Variants in ANKRD28 observed in about 807,000 individuals in gnomAD.
The protein encoded by ANKRD28 is ankyrin repeat domain 28, also known as serine/threonine-protein phosphatase 6 regulatory ankyrin repeat subunit A.
In ANKRD28, 44 loss-of-function variants were observed where a neutral mutation model predicts 126.5. The observed-to-expected ratio is 0.35, with a 90% CI of 0.27 to 0.45. ANKRD28 has a LOEUF of 0.45. Ranked by LOEUF, ANKRD28 falls within the 20% of genes least tolerant of loss-of-function variation. The pLI is 1.00. For synonymous variants in ANKRD28, 442 were observed against 468.5 expected, an observed-to-expected ratio of 0.94 and a Z score of 0.73; for missense variants, 1,110 against 1,316.6, an observed-to-expected ratio of 0.84 and a Z score of 2.43.
rs58655271 is a variant in ANKRD28 at position 15,741,697 on chromosome 3, C to CTTTTTTTTTTTTTTTTTTTTTTTTTTTTT, written c.352-4493_352-4465dup. Among the ~76,000 whole-genome samples, 4 of 33,664 alleles carry CTTTTTTTTTTTTTTTTTTTTTTTTTTTTT rather than the reference C, an allele frequency of 1.2e-4. 1 individual carries two copies. Among genetic ancestry groups the CTTTTTTTTTTTTTTTTTTTTTTTTTTTTT allele is most frequent in the Non-Finnish European group, 2.5e-4 (4 of 16,262 alleles). The allele number at this position is 33,664 out of a possible 152,430, so 22.1% of individuals were successfully genotyped here. On this transcript the variant is annotated intron_variant, in intron 4 of 27. Coordinates refer to ENST00000683139, the MANE Select transcript of ANKRD28 (RefSeq NM_001349278.2). ...ACCAGTTTTCCCCTTTGGTTCTATC[C>CTTTTTTTTTTTTTTTTTTTTTTTTTTTTT]TTTTTTTTTTTTTTTTTTTTTTTTT...
rs1468833448 is a variant in ANKRD28, at chr3:15,724,531, ATG to A, written c.641-9_641-8del. On this transcript the variant is annotated splice_region_variant and splice_polypyrimidine_tract_variant and intron_variant, in intron 6 of 27. Coordinates refer to ENST00000683139, the MANE Select transcript of ANKRD28 (RefSeq NM_001349278.2). ...TTCACTACTTCAATGTGACCTAAAAATGTGTTTTTGAAGAAAAAAATAGAGAT... is the reference window on the plus strand; with the variant it reads ...TTCACTACTTCAATGTGACCTAAAAATGTTTTTGAAGAAAAAAATAGAGAT... 6.4e-7 allele frequency: 1 copy of A among 1,561,888 alleles called. No individual in the cohort carries two copies.
intron 13 of ANKRD28, among the ~76,000 whole-genome samples, chr3:15,708,325 A>C (rs773919163): frequency 1.3e-5 from 2 of 152,192 alleles, no homozygotes; most frequent in Non-Finnish European, 2.9e-5. Context: ...TCCCAGTCCC[A>C]GTCCTTTGAG....
upstream of ANKRD28, among the ~76,000 whole-genome samples, chr3:15,802,398 G>C (rs895201422): frequency 8.5e-5 from 13 of 152,132 alleles, no homozygotes; most frequent in Non-Finnish European, 1.5e-4. Flanking sequence ...GAAATAAAAA[G>C]TCCTGCCTTG....
At chr3:15,683,653 A>C (rs111296850) in intron 21 of ANKRD28, 10 of 152,334 alleles carry the variant, frequency 6.6e-5, no homozygotes, top group African/African-American at 2.4e-4. Context: ...AAACCTCAAG[A>C]ACCCAAAATG....
intron 21 of ANKRD28, 77 bp downstream of exon 21, chr3:15,685,149 A>G: frequency 6.6e-7 from 1 of 1,514,920 alleles, no homozygotes; most frequent in Non-Finnish European, 9.1e-7. Flanking sequence ...TTAAACTTAA[A>G]ATTTGCCTTA....
At chr3:15,681,552 G>A (rs2067549281) in intron 21 of ANKRD28, among the ~76,000 whole-genome samples, 1 of 152,014 alleles carries the variant, frequency 6.6e-6, no homozygotes, top group Non-Finnish European at 1.5e-5. Context: ...ATTCTTACAT[G>A]GCCTCTTTAT....
intron 2 of ANKRD28, 127 bp downstream of exon 2, chr3:15,795,096 C>T: frequency 3.0e-6 from 2 of 677,776 alleles, no homozygotes; most frequent in South Asian, 3.8e-5. Flanking sequence ...GCCTCAATAC[C>T]TTCCTGCCCT....
Position 15,709,657 on chromosome 3 carries a change from T to C in ANKRD28, c.1406+11A>G. 6.4e-7 allele frequency: 1 copy of C among 1,564,044 alleles called. No homozygotes were observed. On this transcript the variant is annotated intron_variant, in intron 13 of 27. Coordinates refer to ENST00000683139, the MANE Select transcript of ANKRD28 (RefSeq NM_001349278.2). ...AAATAGGCTCCATAAAGAAACTGTA[T>C]CATACCCTACCTCCCAAATTTGTCC...
At chr3:15,735,355 A>G in intron 6 of ANKRD28, 55 bp downstream of exon 6, 1 of 1,376,436 alleles carries the variant, frequency 7.3e-7, no homozygotes, top group Non-Finnish European at 1.0e-6. Context: ...AGAACTTGAA[A>G]TGTACAACTT....
chr3:15,814,258 A>G lies in ANKRD28; in HGVS notation c.28-18952T>C. The G allele has an allele frequency of 7.9e-7, 1 of 1,259,466 alleles. No individual in the cohort carries two copies. The highest frequency in any genetic ancestry group is 1.0e-6 in the Non-Finnish European group (1 of 978,844). The allele number at this position is 1,259,466 out of a possible 1,614,324, so 78.0% of individuals were successfully genotyped here. Reference sequence around the variant, plus strand: ...AACCTACCATAATAGGAATTCCCATACTATTTTCCTCTGGTGGAGGCAGTT... The same window carrying G: ...AACCTACCATAATAGGAATTCCCATGCTATTTTCCTCTGGTGGAGGCAGTT... On this transcript the variant is annotated intron_variant, in intron 1 of 27. Transcript: ENST00000399451. The surrounding 1 kb of genome is among the most constrained non-coding windows in gnomAD (Gnocchi z 4.7).
chr3:15,676,172 C>T (rs2066914481), intron 26 of ANKRD28, 183 bp from the exon 27 acceptor site: 1 of 421,644 alleles, frequency 2.4e-6, no homozygotes, highest in Non-Finnish European at 4.2e-6. Context: ...AGTGCACTGT[C>T]ACACCTTGTC....
At chr3:15,681,415 A>G (rs2067534113) in intron 21 of ANKRD28, among the ~76,000 whole-genome samples, 2 of 152,166 alleles carry the variant, frequency 1.3e-5, no homozygotes, top group South Asian at 4.1e-4. Context: ...AAAACAGAAA[A>G]ATCCAAATTT....
At chr3:15,722,722 GA>G (rs911520838) in intron 7 of ANKRD28, among the ~76,000 whole-genome samples, 1 of 151,864 alleles carries the variant, frequency 6.6e-6, no homozygotes, top group African/African-American at 2.4e-5. Context: ...ATCAGAGGAA[GA>G]AAAAAAGTTA....
chr3:15,759,116 A>T (rs2058323293), intron 3 of ANKRD28, among the ~76,000 whole-genome samples: 1 of 152,178 alleles, frequency 6.6e-6, no homozygotes, highest in Non-Finnish European at 1.5e-5. Flanking sequence ...TCACATGTAA[A>T]TTTTACTAAA....
intron 6 of ANKRD28, among the ~76,000 whole-genome samples, chr3:15,728,608 T>A (rs2074360633): frequency 6.6e-6 from 1 of 152,196 alleles, no homozygotes; most frequent in African/African-American, 2.4e-5. Context: ...ACATATCTTT[T>A]ATATGCACTG....
chr3:15,838,373 A>G lies in ANKRD28; in HGVS notation c.27+21004T>C, dbSNP rs952364870. Among the ~76,000 whole-genome samples the G allele has an allele frequency of 6.6e-6, 1 of 152,216 alleles. No homozygotes were observed. The highest frequency in any genetic ancestry group is 1.5e-5 in the Non-Finnish European group (1 of 68,032). ...CAAACCAAATCCAGCAGCATACAAT[A>G]GGAATCATACAAATTGGCTATTCTT... On this transcript the variant is annotated intron_variant, in intron 1 of 27. Transcript: ENST00000399451. The surrounding 1 kb of genome is among the most constrained non-coding windows in gnomAD (Gnocchi z 4.0).
chr3:15,836,691 A>C (rs2061332188), intron 1 of ANKRD28, among the ~76,000 whole-genome samples: 1 of 152,248 alleles, frequency 6.6e-6, no homozygotes, highest in Admixed American at 6.5e-5. Context: ...CTGACAAAAC[A>C]GACTTTAAGT....
chr3:15,759,600 A>G (rs1047657743), intron 3 of ANKRD28, among the ~76,000 whole-genome samples: 3 of 152,348 alleles, frequency 2.0e-5, no homozygotes, highest in African/African-American at 7.2e-5. Context: ...CAAGTTAAAG[A>G]AAGTGAGTAG....
chr3:15,726,697 C>T (rs111890981), intron 6 of ANKRD28, among the ~76,000 whole-genome samples: 7 of 152,350 alleles, frequency 4.6e-5, no homozygotes, highest in African/African-American at 1.7e-4. Flanking sequence ...AAGGTGGCTA[C>T]ATTAAACAGC....
Sources: gnomAD v4.1 joint callset for allele counts (sites outside exome capture counted in the v4.1 genomes callset) on GRCh38, gnomAD v4.1.1 for gene constraint, Gnocchi (gnomAD v3.1) non-coding constraint, MANE v1.5 for transcripts, NCBI Gene and HGNC (gene_info 2026-07-23, HGNC 2026-07-21) for gene names.